The following GUCY1A1 variants were observed in gnomAD, a reference collection of about 807,000 sequenced individuals.
The protein encoded by GUCY1A1 is guanylate cyclase 1 soluble subunit alpha 1, also known as guanylate cyclase soluble subunit alpha-1.
GUCY1A1 carries 48 observed loss-of-function variants against 64.5 expected under a neutral mutation model. That is an observed-to-expected ratio of 0.74 (90% CI 0.59 to 0.95). The LOEUF is 0.95. GUCY1A1 is among the 40% of genes least tolerant of loss of function. The pLI, the probability that GUCY1A1 is intolerant of heterozygous loss-of-function variation, is 0.00. For missense variants in GUCY1A1, 804 were observed against 825.3 expected (o/e 0.97, Z 0.32); for synonymous variants, 308 against 303.4 (o/e 1.02, Z -0.16).
Position 155,722,320 on chromosome 4 carries a change from T to A in GUCY1A1, c.1871+128T>A, listed in dbSNP as rs577681952. ...AGTCGTAAGGAAAAAAGAAACGTGA[T>A]AACTTTTATCATCCTCACTTTAACT... On this transcript the variant is annotated intron_variant, in intron 9 of 9. Coordinates refer to ENST00000506455, the MANE Select transcript of GUCY1A1 (RefSeq NM_001130682.3). The A allele has an allele frequency of 1.5e-5, 22 of 1,450,426 alleles. No individual in the cohort carries two copies. In the African/African-American group the frequency reaches 2.3e-4, roughly 15 times the overall value. 89.8% of individuals were successfully genotyped at this position (1,450,426 alleles called of 1,614,324 possible).
chr4:155,711,036 A>G lies in GUCY1A1; in HGVS notation c.871A>G (p.Met291Val). 6.2e-7 allele frequency: 1 copy of G among 1,614,008 alleles called. No individual in the cohort carries two copies. Among genetic ancestry groups the G allele is most frequent in the Non-Finnish European group, 8.5e-7 (1 of 1,179,838 alleles). Residue 291 changes from methionine to valine, a missense_variant, in exon 6 of 10, where the codon ATG (methionine) becomes GTG (valine). Met to Val is a conservative substitution (Grantham distance 21, BLOSUM62 1). Transcript: ENST00000506455. ...CTGCAAGACATTTCCATTCCATTTC[A>G]TGTTTGACAAAGATATGACAATTCT... ...LFCKTFPFHF[M>V]FDKDMTILQF... is the part of the protein sequence containing the mutation.
intron 9 of GUCY1A1, 137 bp from the exon 10 acceptor site, chr4:155,729,893 C>T (rs1032022306): frequency 2.2e-5 from 13 of 587,258 alleles, no homozygotes; most frequent in Non-Finnish European, 3.9e-5. Context: ...GTCTGTTAAT[C>T]TCGTTAGACT....
chr4:155,722,887 G>A (rs1401044350), intron 9 of GUCY1A1, among the ~76,000 whole-genome samples: 2 of 152,076 alleles, frequency 1.3e-5, no homozygotes, highest in African/African-American at 4.8e-5. Context: ...AAGCCAGGAA[G>A]CTCCACCTGA....
chr4:155,731,117 G>A lies in GUCY1A1; in HGVS notation c.*886G>A, dbSNP rs41279327. 8.9e-3 allele frequency: 1,361 copies of A among 152,734 alleles called. 9 individuals carry two copies. The highest frequency in any genetic ancestry group is 0.015 in the Non-Finnish European group (990 of 67,794). The allele number at this position is 152,734 out of a possible 1,614,324, so 9.5% of individuals were successfully genotyped here. On this transcript the variant is annotated 3_prime_UTR_variant, in exon 10 of 10. Transcript: ENST00000506455. ...ATGGGAGTAAAGTAATCATCCAGGG[G>A]ACCCACCATAAAGGACATTGGTAAA...
At chr4:155,685,283 A>T (rs1457377710) in intron 2 of GUCY1A1, among the ~76,000 whole-genome samples, 1 of 152,224 alleles carries the variant, frequency 6.6e-6, no homozygotes, top group African/African-American at 2.4e-5. Flanking sequence ...GTCAGTCAAC[A>T]GACCCCATCA....
chr4:155,700,118 G>A (rs186485951), intron 3 of GUCY1A1, among the ~76,000 whole-genome samples: 20 of 152,020 alleles, frequency 1.3e-4, no homozygotes, highest in Middle Eastern at 3.4e-3. Context: ...TTTTTTCATG[G>A]GTATTGTTTC....
intron 9 of GUCY1A1, among the ~76,000 whole-genome samples, chr4:155,726,573 G>A (rs1417397723): frequency 1.3e-5 from 2 of 151,814 alleles, no homozygotes; most frequent in Non-Finnish European, 2.9e-5. Flanking sequence ...AATATTGAAT[G>A]TAGCTTCCAT....
chr4:155,735,248 A>G lies in GUCY1A1; in HGVS notation c.*5017A>G, dbSNP rs1735942661. On this transcript the variant is annotated 3_prime_UTR_variant, in exon 10 of 10. Transcript: ENST00000506455. ...ACCTTATTTATGTCCATTTATTTTC[A>G]TATATAGTATCTGCCAAAATAGTAG... 1 of 151,858 alleles carries G rather than the reference A, an allele frequency of 6.6e-6. No homozygotes were observed. Among genetic ancestry groups the G allele is most frequent in the Non-Finnish European group, 1.5e-5 (1 of 67,926 alleles). 9.4% of individuals were successfully genotyped at this position (151,858 alleles called of 1,614,324 possible).
At position 155,717,276 on chromosome 4, in the gene GUCY1A1, A is replaced by C; in HGVS notation, c.1690A>C (p.Met564Leu). ...GATGATGGAGCTCTCTGATGAAGTT[A>C]TGTCTCCCCATGGAGAACCTATCAA... ...LKMMELSDEV[M>L]SPHGEPIKMR... is the part of the protein sequence containing the mutation. The change falls in exon 8 of 10, where the codon ATG (methionine) becomes CTG (leucine). Residue 564 changes from methionine to leucine, a missense_variant. Met to Leu is a conservative substitution (Grantham distance 15). Transcript: ENST00000506455. The C allele has an allele frequency of 1.3e-6, 2 of 1,594,186 alleles. No individual in the cohort carries two copies. Among genetic ancestry groups the C allele is most frequent in the Non-Finnish European group, 1.7e-6 (2 of 1,168,440 alleles).
intron 6 of GUCY1A1, 54 bp downstream of exon 6, chr4:155,711,305 C>A: frequency 2.1e-6 from 2 of 942,124 alleles, no homozygotes; most frequent in Non-Finnish European, 3.3e-6. Flanking sequence ...TATTTAAGAG[C>A]AAGAAACAAA....
chr4:155,701,802 C>CAAA (rs34761852), intron 3 of GUCY1A1, among the ~76,000 whole-genome samples: 1 of 99,622 alleles, frequency 1.0e-5, no homozygotes, highest in African/African-American at 3.8e-5. Flanking sequence ...ACTCTATATC[C>CAAA]AAAAAAAAAA....
At chr4:155,723,203 C>T (rs1734203237) in intron 9 of GUCY1A1, among the ~76,000 whole-genome samples, 1 of 152,118 alleles carries the variant, frequency 6.6e-6, no homozygotes, top group African/African-American at 2.4e-5. Flanking sequence ...GGACAACAGC[C>T]AGTCAAATTC....
intron 2 of GUCY1A1, among the ~76,000 whole-genome samples, chr4:155,670,266 C>T (rs1289746644): frequency 6.6e-6 from 1 of 152,042 alleles, no homozygotes; most frequent in African/African-American, 2.4e-5. Context: ...ATTTTTTCCC[C>T]AAAGTATTAA....
chr4:155,700,642 G>C (rs1730960269), intron 3 of GUCY1A1, among the ~76,000 whole-genome samples: 1 of 152,122 alleles, frequency 6.6e-6, no homozygotes, highest in African/African-American at 2.4e-5. Flanking sequence ...AAACAAACTT[G>C]AGAGCACTAC....
At chr4:155,727,419 C>T (rs906844146) in intron 9 of GUCY1A1, among the ~76,000 whole-genome samples, 5 of 151,794 alleles carry the variant, frequency 3.3e-5, no homozygotes, top group East Asian at 3.9e-4. Flanking sequence ...ACTTACCAGA[C>T]GTGCAATCTA....
chr4:155,692,152 T>C (rs1266883221), intron 2 of GUCY1A1, among the ~76,000 whole-genome samples: 2 of 152,192 alleles, frequency 1.3e-5, no homozygotes, highest in Non-Finnish European at 1.5e-5. Flanking sequence ...TACATATTAT[T>C]CCATGGTGTA....
rs931943066 is a variant in GUCY1A1, at chr4:155,724,020, A to G, written c.1871+1828A>G. Among the ~76,000 whole-genome samples, 3 of 152,092 alleles carry G rather than the reference A, an allele frequency of 2.0e-5. No individual in the cohort carries two copies. In the East Asian group the frequency reaches 5.8e-4, roughly 30 times the overall value. ...TTCCAGCCCAGACTCTCAGTTGATA[A>G]TCTTGCCTCATATTTCACCACCAGA... On this transcript the variant is annotated intron_variant, in intron 9 of 9. Coordinates refer to ENST00000506455, the MANE Select transcript of GUCY1A1 (RefSeq NM_001130682.3).
intron 2 of GUCY1A1, among the ~76,000 whole-genome samples, chr4:155,670,396 T>C (rs914712021): frequency 6.6e-6 from 1 of 152,236 alleles, no homozygotes; most frequent in African/African-American, 2.4e-5. Context: ...TACTAGTTGA[T>C]TTACTTTGGG....
At chr4:155,680,064 C>T (rs1311546135) in intron 2 of GUCY1A1, among the ~76,000 whole-genome samples, 2 of 152,106 alleles carry the variant, frequency 1.3e-5, no homozygotes, top group Non-Finnish European at 2.9e-5. Context: ...ATCTTAGCCT[C>T]ATTTTGTCAA....
Sources: gnomAD v4.1 joint callset for allele counts (sites outside exome capture counted in the v4.1 genomes callset) on GRCh38, gnomAD v4.1.1 for gene constraint, MANE v1.5 for transcripts, NCBI Gene and HGNC (gene_info 2026-07-23, HGNC 2026-07-21) for gene names.